The following UBN1 variants were observed in gnomAD, a reference collection of about 807,000 sequenced individuals.
UBN1 encodes the protein ubinuclein-1.
A neutral mutation model predicts 108.5 loss-of-function variants in UBN1; 17 were observed. That is an observed-to-expected ratio of 0.16 (90% CI 0.11 to 0.24). The LOEUF (loss-of-function observed/expected upper bound fraction) is 0.24. UBN1 is among the 10% of genes least tolerant of loss of function. The pLI is 1.00. For missense variants in UBN1, 1,595 were observed against 1,394.4 expected (o/e 1.14, Z -2.29); for synonymous variants, 726 against 564.2 (o/e 1.29, Z -4.07).
At position 4,871,266 on chromosome 16, in the gene UBN1, C is replaced by G. The variant is rs2087618110; in HGVS notation, c.1671C>G (p.Val557=). 6.2e-7 allele frequency: 1 copy of G among 1,614,226 alleles called. No homozygotes were observed. The highest frequency in any genetic ancestry group is 8.5e-7 in the Non-Finnish European group (1 of 1,180,046). Residue 557 remains valine, a synonymous_variant, in exon 12 of 18, where the codon GTC becomes GTG. Transcript: ENST00000262376. ...DCVKGFLDAE[V]KPLWPKGWMQ... ...TGAAGGGCTTTCTGGATGCGGAAGT[C>G]AAGCCCCTCTGGCCCAAAGGCTGGA...
rs900587921 is a variant in UBN1 at position 4,881,432 on chromosome 16, G to C, written c.*1300G>C. The C allele has an allele frequency of 6.6e-6, 1 of 152,182 alleles. No individual in the cohort carries two copies. Among genetic ancestry groups the C allele is most frequent in the African/African-American group, 2.4e-5 (1 of 41,426 alleles). The allele number at this position is 152,182 out of a possible 1,614,324, so 9.4% of individuals were successfully genotyped here. ...GTTTCACAAGGATTTGAGGGCACTT[G>C]CCTGTCTTGTGAGGTCTGTGCCACA... is the stretch of plus-strand genomic sequence containing the variant. On this transcript the variant is annotated 3_prime_UTR_variant, in exon 18 of 18. Coordinates refer to ENST00000262376, the MANE Select transcript of UBN1 (RefSeq NM_001079514.3).
In UBN1 at chr16:4,880,128, T is replaced by C. The variant is rs772475464; in HGVS notation, c.3401T>C (p.Leu1134Ser). The C allele has an allele frequency of 1.2e-6, 2 of 1,613,970 alleles. No individual in the cohort carries two copies. Among genetic ancestry groups the C allele is most frequent in the Non-Finnish European group, 1.7e-6 (2 of 1,179,980 alleles). ...HGKGPAVPRK[L>S] ...AAAGGGCCTGCTGTACCACGGAAATTGTGACCGCTTCAGAGGCAAGGCTTG... is the reference window on the plus strand; with the variant it reads ...AAAGGGCCTGCTGTACCACGGAAATCGTGACCGCTTCAGAGGCAAGGCTTG... Residue 1134 changes from leucine (L) to serine (S), a missense_variant, in exon 18 of 18, where the codon TTG becomes TCG. Leu to Ser is a moderately radical substitution (Grantham distance 145, BLOSUM62 -2). Transcript: ENST00000262376.
intron 3 of UBN1, 48 bp from the exon 4 acceptor site, chr16:4,858,520 C>T (rs2086910863): frequency 6.4e-7 from 1 of 1,555,004 alleles, no homozygotes; most frequent in Non-Finnish European, 8.9e-7. Context: ...ACAGTTAATT[C>T]TGTGTGTTTA....
At position 4,871,355 on chromosome 16, in the gene UBN1, C is replaced by G. The variant is rs115172017; in HGVS notation, c.1706+54C>G. On this transcript the variant is annotated intron_variant, in intron 12 of 17. Coordinates refer to ENST00000262376, the MANE Select transcript of UBN1 (RefSeq NM_001079514.3). Reference sequence around the variant, plus strand: ...TGTGCAGTCAAGACACGTTTGAACGCTGCTTTTGTGCCAGGCCAACAGGAT... The same window carrying G: ...TGTGCAGTCAAGACACGTTTGAACGGTGCTTTTGTGCCAGGCCAACAGGAT... 966 of 1,577,226 alleles carry G rather than the reference C, an allele frequency of 6.1e-4. 11 individuals are homozygous for G. In the African/African-American group the frequency reaches 0.012, roughly 19 times the overall value.
intron 2 of UBN1, 135 bp downstream of exon 2, chr16:4,853,301 G>A (rs2086640827): frequency 8.9e-6 from 11 of 1,240,018 alleles, no homozygotes; most frequent in Non-Finnish European, 1.2e-5. Flanking sequence ...CTCACTCAAG[G>A]CAAGCACAAG....
chr16:4,870,994 G>T (rs1567940804), intron 11 of UBN1, 22 bp downstream of exon 11: 2 of 1,613,524 alleles, frequency 1.2e-6, no homozygotes, highest in Non-Finnish European at 1.7e-6. Flanking sequence ...CTGGGACTTG[G>T]CCTCTTTGGA....
chr16:4,872,205 A>G (rs902815746), intron 12 of UBN1: 1 of 985,388 alleles, frequency 1.0e-6, no homozygotes, highest in Non-Finnish European at 1.2e-6. Context: ...TCATACGAAG[A>G]ACGTTTTTGT....
intron 17 of UBN1, among the ~76,000 whole-genome samples, chr16:4,878,524 A>G (rs1359634101): frequency 1.3e-5 from 2 of 152,178 alleles, no homozygotes; most frequent in Non-Finnish European, 2.9e-5. Flanking sequence ...AATCTCCACA[A>G]TGGAAACTGT....
chr16:4,873,309 A>G (rs537094043), intron 14 of UBN1, among the ~76,000 whole-genome samples: 1 of 152,234 alleles, frequency 6.6e-6, no homozygotes, highest in Non-Finnish European at 1.5e-5. Flanking sequence ...ATGTGGGATT[A>G]AGTGGGATCT....
rs1232066710 is a variant in UBN1, at chr16:4,877,503, C to T, written c.3355+29C>T. 1.7e-5 allele frequency: 27 copies of T among 1,591,952 alleles called. No homozygotes were observed. Among genetic ancestry groups the T allele is most frequent in the South Asian group, 3.4e-5 (3 of 89,420 alleles). On this transcript the variant is annotated intron_variant, in intron 17 of 17. Coordinates refer to ENST00000262376, the MANE Select transcript of UBN1 (RefSeq NM_001079514.3). This position sits in a 1 kb window ranked among gnomAD's most constrained non-coding sequence, Gnocchi z 4.3. Reference sequence around the variant, plus strand: ...ATCACCCGACGGTCAGTGTGCCACGCGCACCGTGTGCCTTTGCCCTCTCCA... The same window carrying T: ...ATCACCCGACGGTCAGTGTGCCACGTGCACCGTGTGCCTTTGCCCTCTCCA...
In UBN1 at chr16:4,875,189, A is replaced by G; in HGVS notation, c.2779A>G (p.Ser927Gly). ...SSSSGGTPVQSSVSGSLVPGI... is the reference protein window; with the variant it reads ...SSSSGGTPVQGSVSGSLVPGI... ...TTCCTCGGGAGGAACACCAGTCCAG[A>G]GTTCTGTTTCTGGGAGCCTGGTCCC... Residue 927 changes from serine to glycine, a missense_variant, in exon 15 of 18, where the codon AGT (serine) becomes GGT (glycine). Around this residue, in one of 3 missense-constraint regions of UBN1, gnomAD observed 1,398 missense variants for 1,194.7 expected, o/e 1.17. Transcript: ENST00000262376. 1 of 1,614,216 alleles carries G rather than the reference A, an allele frequency of 6.2e-7. No individual in the cohort carries two copies. The highest frequency in any genetic ancestry group is 8.5e-7 in the Non-Finnish European group (1 of 1,180,046).
In UBN1 at chr16:4,881,957, C is replaced by T. The variant is rs7928; in HGVS notation, c.*1825C>T. ...TCCCTTTGGTGCTCCCTCCTCCCCA[C>T]GTACCATTGCGCGTGCAGCTGGAGC... On this transcript the variant is annotated 3_prime_UTR_variant, in exon 18 of 18. Coordinates refer to ENST00000262376, the MANE Select transcript of UBN1 (RefSeq NM_001079514.3). 65,582 of 151,510 alleles carry T rather than the reference C, an allele frequency of 0.43. 15,678 individuals carry two copies. Among genetic ancestry groups the T allele is most frequent in the African/African-American group, 0.64 (26,133 of 41,010 alleles). The allele number at this position is 151,510 out of a possible 1,614,324, so 9.4% of individuals were successfully genotyped here.
At position 4,852,951 on chromosome 16, in the gene UBN1, C is replaced by T; in HGVS notation, c.34C>T (p.Leu12Phe). Residue 12 changes from leucine (L) to phenylalanine (F), a missense_variant, in exon 2 of 18, where the codon CTC (leucine) becomes TTC (phenylalanine). Physicochemically the swap from Leu to Phe is conservative, Grantham distance 22. Transcript: ENST00000262376. ...GCCCCACAGGGTCCAGTTCACCTCT[C>T]TCCCAGGTTCCCTGAATCCTGCGTT... is the stretch of plus-strand genomic sequence containing the variant. ...SEPHRVQFTS[L>F]PGSLNPAFLK... The T allele has an allele frequency of 6.2e-7, 1 of 1,614,204 alleles. No homozygotes were observed. Among genetic ancestry groups the T allele is most frequent in the Non-Finnish European group, 8.5e-7 (1 of 1,180,042 alleles).
At chr16:4,852,746 A>C (rs1485254574) in intron 1 of UBN1, 133 bp from the exon 2 acceptor site, 1 of 1,006,604 alleles carries the variant, frequency 9.9e-7, no homozygotes, top group South Asian at 1.8e-5. Flanking sequence ...GCAGAAAAAA[A>C]CAATAAATGA....
Position 4,870,312 on chromosome 16 carries a change from C to A in UBN1, c.1282C>A (p.Arg428Ser). Residue 428 changes from arginine to serine, a missense_variant, in exon 9 of 18, where the codon CGT becomes AGT. Around this residue, in one of 3 missense-constraint regions of UBN1, gnomAD observed 1,398 missense variants for 1,194.7 expected, o/e 1.17. Transcript: ENST00000262376. The stretch of plus-strand genomic sequence containing the variant: ...CTGCAGCAAGGATGCCCTGCTCAAG[C>A]GTGCTCGGAAACTTCACCTCTATGA... ...LPCSKDALLK[R>S]ARKLHLYEQG... is the part of the protein sequence containing the mutation. The A allele has an allele frequency of 2.5e-6, 4 of 1,614,202 alleles. No individual in the cohort carries two copies. The highest frequency in any genetic ancestry group is 3.4e-6 in the Non-Finnish European group (4 of 1,180,034).
chr16:4,864,251 C>A lies in UBN1; in HGVS notation c.1110+3149C>A, dbSNP rs187061732. On this transcript the variant is annotated intron_variant, in intron 7 of 17. Transcript: ENST00000262376. ...ACAGGCGTGAGCCACTGCGCCTGGC[C>A]TGTGTTCCTGTTTTGTATTCTGCCA... Among the ~76,000 whole-genome samples the A allele has an allele frequency of 7.2e-5, 11 of 152,008 alleles. No individual in the cohort carries two copies. The East Asian group carries it at 1.5e-3, about 21-fold the overall frequency.
Position 4,860,980 on chromosome 16 carries a change from C to G in UBN1, c.988C>G (p.Arg330Gly), listed in dbSNP as rs1260422457. The G allele has an allele frequency of 6.2e-7, 1 of 1,614,118 alleles. No individual in the cohort carries two copies. The highest frequency in any genetic ancestry group is 8.5e-7 in the Non-Finnish European group (1 of 1,180,054). Reference protein sequence around the residue: ...LSESPEGSPFRDMDDGSDSLG... With the variant: ...LSESPEGSPFGDMDDGSDSLG... ...TGAGTCTCCAGAAGGAAGTCCCTTC[C>G]GAGATATGGATGATGGAAGTGATTC... Residue 330 changes from arginine to glycine, a missense_variant, in exon 7 of 18, where the codon CGA (arginine) becomes GGA (glycine). By Grantham distance (125) the Arg-to-Gly change is moderately radical. Transcript: ENST00000262376.
At position 4,875,104 on chromosome 16, in the gene UBN1, T is replaced by G. The variant is rs2087817359; in HGVS notation, c.2694T>G (p.Ser898=). Residue 898 remains serine (S), a synonymous_variant, in exon 15 of 18, where the codon TCT becomes TCG. Transcript: ENST00000262376. ...ATTCAGTCAGCTCTGCAGGCTCATC[T>G]TACAAGAATAATCCCTTTGCCAGCT... ...KPHSVSSAGS[S]YKNNPFASSI... The G allele has an allele frequency of 2.5e-6, 4 of 1,614,190 alleles. No individual in the cohort carries two copies. In the South Asian group the frequency reaches 4.4e-5, roughly 18 times the overall value.
At chr16:4,854,105 C>T (rs189371468) in intron 2 of UBN1, among the ~76,000 whole-genome samples, 1 of 152,108 alleles carries the variant, frequency 6.6e-6, no homozygotes, top group Non-Finnish European at 1.5e-5. Context: ...ACCATCTTGT[C>T]TCAGTGCAAC....
Sources: gnomAD v4.1 joint callset for allele counts (sites outside exome capture counted in the v4.1 genomes callset) on GRCh38, gnomAD v4.1.1 for gene constraint, gnomAD v4.1.1 regional missense constraint, Gnocchi (gnomAD v3.1) non-coding constraint, MANE v1.5 for transcripts, NCBI Gene and HGNC (gene_info 2026-07-23, HGNC 2026-07-21) for gene names.